ZNF821: variants seen among roughly 807,000 people sequenced by gnomAD.
ZNF821 encodes zinc finger protein 821.
A neutral mutation model predicts 44.3 loss-of-function variants in ZNF821; 16 were observed. The observed-to-expected ratio is 0.36, with a 90% CI of 0.24 to 0.55. The LOEUF (loss-of-function observed/expected upper bound fraction) is 0.55, where lower values mean the gene tolerates loss of function less well. ZNF821 is among the 20% of genes least tolerant of loss of function. The probability of loss-of-function intolerance (pLI) is 0.86; values close to 1 mark genes in which losing one functional copy is unlikely to be tolerated. For synonymous variants in ZNF821, 204 were observed against 197.6 expected, an observed-to-expected ratio of 1.03 and a Z score of -0.27; for missense variants, 436 against 547.6, an observed-to-expected ratio of 0.80 and a Z score of 2.03.
chr16:71,869,547 G>T (rs2034950709), intron 3 of ZNF821, among the ~76,000 whole-genome samples: 1 of 145,522 alleles, frequency 6.9e-6, no homozygotes, highest in Non-Finnish European at 1.6e-5. Flanking sequence ...ACTCCGTGTG[G>T]TAGGGATTAC....
At chr16:71,874,972 T>C (rs2035637771) in intron 3 of ZNF821, among the ~76,000 whole-genome samples, 1 of 152,202 alleles carries the variant, frequency 6.6e-6, no homozygotes, top group Non-Finnish European at 1.5e-5. Flanking sequence ...CCTCTGAAAC[T>C]AGCAAATCTC....
chr16:71,863,401 C>CT (rs372197045), intron 6 of ZNF821, among the ~76,000 whole-genome samples: 60,397 of 108,508 alleles, frequency 0.56, 17,576 homozygotes, highest in East Asian at 0.79. Context: ...AGCAGAATCT[C>CT]TTTTTTTTTT....
chr16:71,864,820 T>C, intron 5 of ZNF821, 83 bp downstream of exon 5: 1 of 1,562,662 alleles, frequency 6.4e-7, no homozygotes, highest in Non-Finnish European at 8.7e-7. Context: ...GAGGCAAGAC[T>C]GTGCCACAGG....
intron 3 of ZNF821, among the ~76,000 whole-genome samples, chr16:71,877,886 C>T (rs2035995095): frequency 6.7e-6 from 1 of 149,690 alleles, no homozygotes; most frequent in South Asian, 2.1e-4. Flanking sequence ...CGCCACTGCA[C>T]TCCAGCCTGG....
intron 3 of ZNF821, among the ~76,000 whole-genome samples, chr16:71,869,992 G>A (rs1360367763): frequency 6.6e-6 from 1 of 152,148 alleles, no homozygotes; most frequent in African/African-American, 2.4e-5. Context: ...AAGGTTAGAA[G>A]CTTCCTCAGA....
chr16:71,877,955 A>AAATATATAAATATATATGTATATATATTT (rs1484169723), intron 3 of ZNF821, among the ~76,000 whole-genome samples: 1 of 147,158 alleles, frequency 6.8e-6, no homozygotes, highest in Non-Finnish European at 1.5e-5. Flanking sequence ...AAAAAATAAA[A>AAATATATAAATATATATGTATATATATTT]TATATATAAA....
intron 1 of ZNF821, chr16:71,893,830 G>A (rs1254179179): frequency 8.2e-5 from 12 of 146,470 alleles, no homozygotes; most frequent in Admixed American, 3.4e-4. Context: ...GCAATGGGGA[G>A]ATCTCGGCTC....
At chr16:71,885,778 A>G (rs936935296), upstream of ZNF821, among the ~76,000 whole-genome samples, 2 of 152,266 alleles carry the variant, frequency 1.3e-5, no homozygotes, top group Non-Finnish European at 2.9e-5. Context: ...ATACTTAGAT[A>G]GCAATTATTG....
intron 3 of ZNF821, among the ~76,000 whole-genome samples, chr16:71,873,047 C>T (rs1257425361): frequency 6.6e-6 from 1 of 152,166 alleles, no homozygotes; most frequent in Non-Finnish European, 1.5e-5. Context: ...CAGGGCTGGG[C>T]GAGGTGGCTC....
chr16:71,885,382 T>A (rs2036810647), upstream of ZNF821: 1 of 152,348 alleles, frequency 6.6e-6, no homozygotes, highest in African/African-American at 2.4e-5. Context: ...TTTGGGCAAG[T>A]CACTTCCCTG....
intron 6 of ZNF821, among the ~76,000 whole-genome samples, chr16:71,863,566 T>A (rs1483239001): frequency 6.6e-6 from 1 of 151,980 alleles, no homozygotes; most frequent in East Asian, 1.9e-4. Flanking sequence ...TAAAAAAAAA[T>A]TTTGTAGGGC....
At chr16:71,887,126 A>G (rs745388102), upstream of ZNF821, among the ~76,000 whole-genome samples, 9 of 152,326 alleles carry the variant, frequency 5.9e-5, no homozygotes, top group Non-Finnish European at 1.3e-4. Flanking sequence ...TTTGGCTACT[A>G]TGCATAATGC....
Position 71,860,651 on chromosome 16 carries a change from T to C in ZNF821, c.606A>G (p.Leu202=). ...GGACTGTGGGTAGGGATTCCATATTTAGTACTTCAGGAAGTTTCTCACTGG... is the reference window on the plus strand; with the variant it reads ...GGACTGTGGGTAGGGATTCCATATTCAGTACTTCAGGAAGTTTCTCACTGG... The part of the protein sequence containing the change: ...TFNSEKLPEV[L]NMESLPTVHN... The change falls in exon 8 of 8, where the codon CTA becomes CTG. Residue 202 remains leucine, a synonymous_variant. Coordinates refer to ENST00000425432, the MANE Select transcript of ZNF821 (RefSeq NM_001201552.2). This position sits in a 1 kb window ranked among gnomAD's most constrained non-coding sequence, Gnocchi z 7.3. 6.2e-7 allele frequency: 1 copy of C among 1,613,286 alleles called. No individual in the cohort carries two copies. The highest frequency in any genetic ancestry group is 8.5e-7 in the Non-Finnish European group (1 of 1,179,590).
At chr16:71,876,701 G>C (rs2035859138) in intron 3 of ZNF821, among the ~76,000 whole-genome samples, 1 of 151,972 alleles carries the variant, frequency 6.6e-6, no homozygotes. Context: ...TCGACCTTTT[G>C]GGTTCAAGCG....
upstream of ZNF821, among the ~76,000 whole-genome samples, chr16:71,888,683 T>G (rs1490835205): frequency 6.6e-6 from 1 of 152,186 alleles, no homozygotes; most frequent in African/African-American, 2.4e-5. Flanking sequence ...TCTGATATTT[T>G]AAAGGACAAT....
chr16:71,892,857 G>A (rs1597222467), intron 1 of ZNF821, among the ~76,000 whole-genome samples: 2 of 150,192 alleles, frequency 1.3e-5, no homozygotes, highest in East Asian at 2.0e-4. Context: ...CAGCCTCCAA[G>A]TAGCTGGGAT....
intron 6 of ZNF821, 107 bp downstream of exon 6, chr16:71,864,031 C>G (rs928435373): frequency 1.2e-5 from 12 of 985,584 alleles, no homozygotes; most frequent in Non-Finnish European, 1.6e-5. Flanking sequence ...AGTGACAACC[C>G]AAGACTCCTT....
intron 2 of ZNF821, chr16:71,882,060 G>C (rs539585850): frequency 6.6e-6 from 1 of 151,358 alleles, no homozygotes; most frequent in Non-Finnish European, 1.5e-5. Flanking sequence ...ACCTGAGGTC[G>C]GGAGTTTGAG....
At chr16:71,876,250 C>T (rs2035802451) in intron 3 of ZNF821, among the ~76,000 whole-genome samples, 1 of 152,186 alleles carries the variant, frequency 6.6e-6, no homozygotes, top group Non-Finnish European at 1.5e-5. Context: ...GTTGCCCAGG[C>T]TAGAGTGCAG....
Sources: gnomAD v4.1 joint callset for allele counts (sites outside exome capture counted in the v4.1 genomes callset) on GRCh38, gnomAD v4.1.1 for gene constraint, Gnocchi (gnomAD v3.1) non-coding constraint, MANE v1.5 for transcripts, NCBI Gene and HGNC (gene_info 2026-07-23, HGNC 2026-07-21) for gene names.